Variants in SGSM3 observed in about 807,000 individuals in gnomAD.
The protein encoded by SGSM3 is RUN and SH3 containing 3.
In SGSM3, 96 loss-of-function variants were observed where a neutral mutation model predicts 100.5. The ratio of observed to expected loss-of-function variants is 0.96; its 90% CI spans 0.81 to 1.13. The LOEUF is 1.13. SGSM3 is among the 50% of genes most tolerant of loss of function. The probability of loss-of-function intolerance (pLI) is 0.00; values close to 1 mark genes in which losing one functional copy is unlikely to be tolerated. For synonymous variants in SGSM3, 483 were observed against 422.8 expected (o/e 1.14, Z -1.75); for missense variants, 1,001 against 1,015.8 (o/e 0.99, Z 0.20).
At chr22:40,406,800 C>T in intron 10 of SGSM3, 138 bp downstream of exon 10, 2 of 898,202 alleles carry the variant, frequency 2.2e-6, no homozygotes, top group Non-Finnish European at 3.5e-6. Flanking sequence ...AGTCAGACCA[C>T]AGCTGTGGGG....
At chr22:40,404,784 C>T (rs1298137889) in intron 6 of SGSM3, 120 bp downstream of exon 6, 16 of 732,730 alleles carry the variant, frequency 2.2e-5, no homozygotes, top group South Asian at 1.0e-4. Flanking sequence ...GATATTTGCT[C>T]CTTCCTTGGT....
chr22:40,408,142 G>C (rs1458048757), intron 15 of SGSM3, 22 bp downstream of exon 15: 3 of 1,611,690 alleles, frequency 1.9e-6, no homozygotes, highest in Non-Finnish European at 2.5e-6. Flanking sequence ...GGGCGGGCTA[G>C]GCACGGCTGG....
At chr22:40,376,178 CTTTTTTTTTTT>C (rs10616868) in intron 1 of SGSM3, 1 of 86,874 alleles carries the variant, frequency 1.2e-5, no homozygotes, top group Non-Finnish European at 2.3e-5. Flanking sequence ...CAAATTACCA[CTTTTTTTTTTT>C]TTTTTTTTTT....
chr22:40,410,049 G>C lies in SGSM3; in HGVS notation c.*290G>C. On this transcript the variant is annotated 3_prime_UTR_variant, in exon 22 of 22. Transcript: ENST00000248929. ...CTCAGGAAGAGGGAAGGGGATGGGG[G>C]TGGCTAGTAGGCTCCTGGCCTCTTT... is the stretch of plus-strand genomic sequence containing the variant. 1 of 1,300,920 alleles carries C rather than the reference G, an allele frequency of 7.7e-7. No homozygotes were observed. Among genetic ancestry groups the C allele is most frequent in the Non-Finnish European group, 9.7e-7 (1 of 1,026,776 alleles). The allele number at this position is 1,300,920 out of a possible 1,614,324, so 80.6% of individuals were successfully genotyped here.
In SGSM3 at chr22:40,397,434, T is replaced by G. The variant is rs568989111; in HGVS notation, c.-111-3262T>G. Among the ~76,000 whole-genome samples the G allele has an allele frequency of 2.6e-4, 39 of 152,130 alleles. No homozygotes were observed. In the South Asian group the frequency reaches 8.1e-3, roughly 32 times the overall value. The stretch of plus-strand genomic sequence containing the variant: ...AAAATATGATAAAATATATCCATAA[T>G]CTGACCATTTCTCAGTGTTCCCACC... On this transcript the variant is annotated intron_variant, in intron 1 of 21. Transcript: ENST00000248929.
chr22:40,372,252 G>T (rs370146594), intron 1 of SGSM3, among the ~76,000 whole-genome samples: 3 of 149,578 alleles, frequency 2.0e-5, no homozygotes, highest in South Asian at 4.3e-4. Context: ...TCAGCCTCCC[G>T]AGTAGCTGGG....
intron 1 of SGSM3, among the ~76,000 whole-genome samples, chr22:40,381,709 C>T (rs1304868318): frequency 1.3e-5 from 2 of 152,162 alleles, no homozygotes; most frequent in African/African-American, 4.8e-5. Context: ...AATACCAGCA[C>T]TTTGGGAGGC....
intron 10 of SGSM3, 107 bp from the exon 11 acceptor site, chr22:40,406,910 G>A (rs776218609): frequency 1.7e-6 from 2 of 1,168,734 alleles, no homozygotes; most frequent in Non-Finnish European, 2.5e-6. Context: ...TTCAATTCTT[G>A]GAGCCAGCGT....
chr22:40,401,679 T>C lies in SGSM3; in HGVS notation c.90+4T>C, dbSNP rs539937452. On this transcript the variant is annotated splice_donor_region_variant and intron_variant, in intron 3 of 21. Coordinates refer to ENST00000248929, the MANE Select transcript of SGSM3 (RefSeq NM_015705.6). The stretch of plus-strand genomic sequence containing the variant: ...GATCTTGGCCAAGTACACGCAGGTA[T>C]AGCAGTTAGCCAGGCACCAGCCTGC... 9.9e-6 allele frequency: 16 copies of C among 1,611,440 alleles called. No homozygotes were observed. The East Asian group carries it at 2.5e-4, about 25-fold the overall frequency.
rs1370936430 is a variant in SGSM3, at chr22:40,407,604, T to A, written c.1524+36T>A. On this transcript the variant is annotated intron_variant, in intron 13 of 21. Transcript: ENST00000248929. The surrounding 1 kb of genome is among the most constrained non-coding windows in gnomAD (Gnocchi z 4.7). Reference sequence around the variant, plus strand: ...GCGCTGGACTACCAGGTCCTCAGGCTGTGGCGGGTTCCCCAGACTCCCTCC... The same window carrying A: ...GCGCTGGACTACCAGGTCCTCAGGCAGTGGCGGGTTCCCCAGACTCCCTCC... 1.9e-6 allele frequency: 3 copies of A among 1,594,396 alleles called. No homozygotes were observed. In the East Asian group the frequency reaches 6.7e-5, roughly 36 times the overall value.
At chr22:40,408,174 C>T (rs149024067) in intron 15 of SGSM3, 54 bp downstream of exon 15, 28,401 of 1,606,366 alleles carry the variant, frequency 0.018, 315 homozygotes, top group Non-Finnish European at 0.021. Flanking sequence ...CCAGGGCCTG[C>T]GTGCCTAGCG....
chr22:40,380,676 C>T (rs1348262745), intron 1 of SGSM3, among the ~76,000 whole-genome samples: 1 of 152,164 alleles, frequency 6.6e-6, no homozygotes, highest in East Asian at 1.9e-4. Flanking sequence ...TGGCTCACAC[C>T]TGTAATCCCA....
chr22:40,405,045 A>G, intron 6 of SGSM3, 96 bp from the exon 7 acceptor site: 2 of 1,411,128 alleles, frequency 1.4e-6, no homozygotes, highest in Non-Finnish European at 1.9e-6. Context: ...AACACAAGGA[A>G]TCCCCATTTC....
At position 40,406,081 on chromosome 22, in the gene SGSM3, T is replaced by C. The variant is rs1232023205; in HGVS notation, c.818T>C (p.Leu273Pro). 1.6e-5 allele frequency: 26 copies of C among 1,613,618 alleles called. No homozygotes were observed. The highest frequency in any genetic ancestry group is 2.1e-5 in the Non-Finnish European group (25 of 1,179,802). ...GCTTTGGCTCCTGTGTTTACAGAGC[T>C]GTCCCTGATCACACTGCACTGGTTC... ...DKLLQEHDIE[L>P]SLITLHWFLT... The change falls in exon 9 of 22, where the codon CTG (leucine) becomes CCG (proline). Residue 273 changes from leucine (L) to proline (P), a missense_variant. Physicochemically the swap from Leu to Pro is moderately conservative, Grantham distance 98. Transcript: ENST00000248929.
intron 1 of SGSM3, chr22:40,378,035 C>T (rs1451042129): frequency 6.6e-6 from 1 of 152,156 alleles, no homozygotes; most frequent in East Asian, 1.9e-4. Context: ...GCAGGGCTAT[C>T]CACAGGTGAC....
At chr22:40,380,420 G>A (rs2047378752) in intron 1 of SGSM3, among the ~76,000 whole-genome samples, 1 of 147,632 alleles carries the variant, frequency 6.8e-6, no homozygotes. Context: ...AGGCTGGAGT[G>A]CAGTGGCACT....
intron 1 of SGSM3, among the ~76,000 whole-genome samples, chr22:40,397,394 T>TA: frequency 6.6e-6 from 1 of 151,942 alleles, no homozygotes; most frequent in African/African-American, 2.4e-5. Context: ...TAGAGGGACC[T>TA]TGTCTCTAAA....
At position 40,403,495 on chromosome 22, in the gene SGSM3, A is replaced by G. The variant is rs140471395; in HGVS notation, c.158-752A>G. ...GAGACAGGCAGTAAACAAGCATGTA[A>G]TATTCTGGAGCAAGAAGGGCTGGAA... On this transcript the variant is annotated intron_variant, in intron 4 of 21. Transcript: ENST00000248929. 4.5e-4 allele frequency among the ~76,000 whole-genome samples: 69 copies of G among 152,350 alleles called. 1 individual carries two copies. The highest frequency in any genetic ancestry group is 1.5e-3 in the African/African-American group (62 of 41,584).
At chr22:40,406,797 C>G in intron 10 of SGSM3, 135 bp downstream of exon 10, 1 of 905,546 alleles carries the variant, frequency 1.1e-6, no homozygotes. Flanking sequence ...CCCAGTCAGA[C>G]CACAGCTGTG....
Sources: allele counts gnomAD v4.1 joint callset (sites outside exome capture counted in the v4.1 genomes callset), GRCh38; gene constraint gnomAD v4.1.1; non-coding constraint Gnocchi (gnomAD v3.1); transcripts MANE v1.5; gene names NCBI Gene and HGNC (gene_info 2026-07-23, HGNC 2026-07-21).